MEI4: variants seen among roughly 807,000 people sequenced by gnomAD.
MEI4 encodes the protein meiosis-specific protein MEI4.
MEI4 carries 27 observed loss-of-function variants against 31.4 expected under a neutral mutation model. That is an observed-to-expected ratio of 0.86 (90% CI 0.63 to 1.19). The LOEUF (loss-of-function observed/expected upper bound fraction) is 1.19. MEI4 is among the 50% of genes most tolerant of loss of function. The pLI is 0.00. For synonymous variants in MEI4, 122 were observed against 145.4 expected (o/e 0.84, Z 1.16); for missense variants, 329 against 398.9 (o/e 0.82, Z 1.49).
chr6:77,924,118 G>C lies in MEI4; in HGVS notation c.*772G>C, dbSNP rs1423485118. 1.3e-5 allele frequency: 2 copies of C among 151,564 alleles called. No individual in the cohort carries two copies. Among genetic ancestry groups the C allele is most frequent in the African/African-American group, 2.4e-5 (1 of 41,342 alleles). The allele number at this position is 151,564 out of a possible 1,614,324, so 9.4% of individuals were successfully genotyped here. ...CTAAAAGTGAAATTTATAGTTATTT[G>C]GTGGAATTTTTCAGTTATACAATTT... On this transcript the variant is annotated 3_prime_UTR_variant, in exon 5 of 5. Transcript: ENST00000684080.
At chr6:77,893,272 C>T (rs538787776) in intron 4 of MEI4, among the ~76,000 whole-genome samples, 2 of 152,220 alleles carry the variant, frequency 1.3e-5, no homozygotes, top group African/African-American at 2.4e-5. Flanking sequence ...TTTTTTTTAA[C>T]GTGTGTATTA....
chr6:77,798,468 G>A (rs1269407530), intron 3 of MEI4, among the ~76,000 whole-genome samples: 4 of 147,326 alleles, frequency 2.7e-5, no homozygotes, highest in Admixed American at 6.8e-5. Flanking sequence ...TATAGATGAG[G>A]CACTTTATTT....
intron 1 of MEI4, among the ~76,000 whole-genome samples, chr6:77,660,555 T>TG (rs1768485122): frequency 6.6e-6 from 1 of 151,444 alleles, no homozygotes; most frequent in Non-Finnish European, 1.5e-5. Flanking sequence ...CTAGTTTTTT[T>TG]TGGGGGGGCT....
chr6:77,682,531 G>T (rs1217447940), intron 1 of MEI4, among the ~76,000 whole-genome samples: 1 of 152,102 alleles, frequency 6.6e-6, no homozygotes, highest in Non-Finnish European at 1.5e-5. Context: ...GTGACCTTTT[G>T]GTTAACTAAT....
At position 77,827,340 on chromosome 6, in the gene MEI4, G is replaced by A. The variant is rs901276401; in HGVS notation, c.769-1591G>A. Reference sequence around the variant, plus strand: ...CCCGCCACTGCACTCCAGCCTGGGTGACAGAGGGAGACTCCATCTTAAAAA... The same window carrying A: ...CCCGCCACTGCACTCCAGCCTGGGTAACAGAGGGAGACTCCATCTTAAAAA... On this transcript the variant is annotated intron_variant, in intron 3 of 4. Transcript: ENST00000684080. Among the ~76,000 whole-genome samples the A allele has an allele frequency of 2.3e-4, 30 of 128,944 alleles. No homozygotes were observed. In the Admixed American group the frequency reaches 2.6e-3, roughly 11 times the overall value. 84.6% of individuals were successfully genotyped at this position (128,944 alleles called of 152,430 possible).
At chr6:77,827,660 A>C (rs368454256) in intron 3 of MEI4, among the ~76,000 whole-genome samples, 2 of 152,194 alleles carry the variant, frequency 1.3e-5, no homozygotes, top group Non-Finnish European at 2.9e-5. Context: ...ATGTGTGTTG[A>C]GTGTGTCCTC....
chr6:77,778,482 C>T (rs1400424324), intron 3 of MEI4, among the ~76,000 whole-genome samples: 2 of 152,012 alleles, frequency 1.3e-5, no homozygotes, highest in Non-Finnish European at 2.9e-5. Context: ...AGGTGAATTG[C>T]CTGAGCCCAG....
chr6:77,866,410 G>A (rs898436211), intron 4 of MEI4, among the ~76,000 whole-genome samples: 3 of 152,110 alleles, frequency 2.0e-5, no homozygotes, highest in Non-Finnish European at 2.9e-5. Context: ...ATGTACAAAA[G>A]TCACAAGCAT....
At chr6:77,920,062 C>T (rs1245283253) in intron 4 of MEI4, among the ~76,000 whole-genome samples, 9 of 147,710 alleles carry the variant, frequency 6.1e-5, no homozygotes, top group African/African-American at 2.2e-4. Context: ...CCGAATTCTA[C>T]CAGAGGTACA....
At chr6:77,905,775 C>T (rs1212146745) in intron 4 of MEI4, among the ~76,000 whole-genome samples, 2 of 149,196 alleles carry the variant, frequency 1.3e-5, no homozygotes, top group East Asian at 2.0e-4. Context: ...AGATTACAGG[C>T]GTGAGCCACT....
chr6:77,826,090 CACTT>C (rs1769945155), intron 3 of MEI4, among the ~76,000 whole-genome samples: 1 of 152,164 alleles, frequency 6.6e-6, no homozygotes, highest in Admixed American at 6.5e-5. Flanking sequence ...AAACAACACT[CACTT>C]CTGCTTTTAG....
At chr6:77,796,714 A>T (rs574047903) in intron 3 of MEI4, among the ~76,000 whole-genome samples, 2 of 152,308 alleles carry the variant, frequency 1.3e-5, no homozygotes, top group East Asian at 3.9e-4. Flanking sequence ...CAAGAGTTTA[A>T]ACATATCCCT....
Position 77,903,416 on chromosome 6 carries a change from G to A in MEI4, c.901-19673G>A, listed in dbSNP as rs57455983. ...CTTTCCAAATGTAATGTAATCTAAT[G>A]TAAGTGTTCTGAGCATACTTAAGGT... On this transcript the variant is annotated intron_variant, in intron 4 of 4. Transcript: ENST00000684080. Among the ~76,000 whole-genome samples, 948 of 152,206 alleles carry A rather than the reference G, an allele frequency of 6.2e-3. 4 individuals carry two copies. Among genetic ancestry groups the A allele is most frequent in the African/African-American group, 0.021 (882 of 41,556 alleles).
intron 4 of MEI4, among the ~76,000 whole-genome samples, chr6:77,918,085 T>A (rs370386767): frequency 6.6e-6 from 1 of 150,648 alleles, no homozygotes; most frequent in East Asian, 2.0e-4. Flanking sequence ...TGTAGATATG[T>A]GGCGTTATTT....
chr6:77,917,093 C>T (rs1766576906), intron 4 of MEI4, among the ~76,000 whole-genome samples: 1 of 151,822 alleles, frequency 6.6e-6, no homozygotes, highest in Non-Finnish European at 1.5e-5. Context: ...CTACAAAGGA[C>T]ATGAACTCAT....
At chr6:77,804,167 A>C (rs532109432) in intron 3 of MEI4, among the ~76,000 whole-genome samples, 1 of 152,108 alleles carries the variant, frequency 6.6e-6, no homozygotes, top group Admixed American at 6.5e-5. Flanking sequence ...AAGCCTCAGC[A>C]ATGGCGGACG....
At chr6:77,902,654 C>A (rs1429275653) in intron 4 of MEI4, among the ~76,000 whole-genome samples, 1 of 152,124 alleles carries the variant, frequency 6.6e-6, no homozygotes, top group Non-Finnish European at 1.5e-5. Flanking sequence ...GTCTCCCATT[C>A]TATCCAAAGT....
At chr6:77,746,638 CGTGTGTGTGTGTGTGTGTGT>C (rs5877568) in intron 2 of MEI4, among the ~76,000 whole-genome samples, 14 of 136,544 alleles carry the variant, frequency 1.0e-4, no homozygotes, top group African/African-American at 2.9e-4. Context: ...AAATATATGG[CGTGTGTGTGTGTGTGTGTGT>C]GTGTGTGTGT....
intron 4 of MEI4, among the ~76,000 whole-genome samples, chr6:77,877,475 T>C (rs1771369128): frequency 1.3e-5 from 1 of 79,212 alleles, no homozygotes. Flanking sequence ...AAGCATCATC[T>C]AGCTGATGGT....
Sources: allele counts gnomAD v4.1 joint callset (sites outside exome capture counted in the v4.1 genomes callset), GRCh38; gene constraint gnomAD v4.1.1; transcripts MANE v1.5; gene names NCBI Gene and HGNC (gene_info 2026-07-23, HGNC 2026-07-21).